Variants in CREB3L1 observed in about 807,000 individuals in gnomAD.
CREB3L1 encodes the protein cyclic AMP-responsive element-binding protein 3-like protein 1.
A neutral mutation model predicts 54.5 loss-of-function variants in CREB3L1; 33 were observed. The observed-to-expected ratio is 0.61, with a 90% CI of 0.46 to 0.81. The LOEUF is 0.81. Ranked by LOEUF, CREB3L1 falls within the 30% of genes least tolerant of loss-of-function variation. The pLI is 0.00. For missense variants in CREB3L1, 656 were observed against 673.3 expected, an observed-to-expected ratio of 0.97 and a Z score of 0.29; for synonymous variants, 284 against 286.4, an observed-to-expected ratio of 0.99 and a Z score of 0.08.
chr11:46,288,462 T>TAA (rs1404855899), intron 1 of CREB3L1, among the ~76,000 whole-genome samples: 2 of 152,222 alleles, frequency 1.3e-5, no homozygotes, highest in African/African-American at 2.4e-5. Context: ...TGTCATTGCT[T>TAA]AAAAGGAAGG....
At chr11:46,307,731 G>T (rs1222985347) in intron 2 of CREB3L1, 85 bp from the exon 3 acceptor site, 1 of 1,220,156 alleles carries the variant, frequency 8.2e-7, no homozygotes, top group South Asian at 1.7e-5. Flanking sequence ...GCTCTCTTCA[G>T]TTCAGCCTAG....
At chr11:46,300,470 T>C (rs1428495195) in intron 2 of CREB3L1, among the ~76,000 whole-genome samples, 1 of 152,224 alleles carries the variant, frequency 6.6e-6, no homozygotes, top group African/African-American at 2.4e-5. Flanking sequence ...ACCCCCAACC[T>C]GCTGAATCAC....
At chr11:46,312,021 G>T (rs2136354959) in intron 5 of CREB3L1, among the ~76,000 whole-genome samples, 1 of 152,318 alleles carries the variant, frequency 6.6e-6, no homozygotes, top group Admixed American at 6.5e-5. Context: ...GTAGGGAGGG[G>T]TCTGAGGGAG....
At chr11:46,297,541 G>C (rs756836005) in intron 1 of CREB3L1, among the ~76,000 whole-genome samples, 1 of 148,584 alleles carries the variant, frequency 6.7e-6, no homozygotes, top group African/African-American at 2.5e-5. Context: ...CTGCATTAGC[G>C]CCCTTGGCCT....
Position 46,300,178 on chromosome 11 carries a change from A to C in CREB3L1, c.331+15A>C. The stretch of plus-strand genomic sequence containing the variant: ...CACCACCCAAGGTAAGAGGTGGAAG[A>C]ACCTGGGGACAGCACAGGCCCAGGA... On this transcript the variant is annotated intron_variant, in intron 2 of 11. Transcript: ENST00000621158. 6.3e-7 allele frequency: 1 copy of C among 1,595,526 alleles called. No homozygotes were observed. The highest frequency in any genetic ancestry group is 8.6e-7 in the Non-Finnish European group (1 of 1,167,806).
intron 2 of CREB3L1, among the ~76,000 whole-genome samples, chr11:46,304,094 G>A (rs1939340415): frequency 6.6e-6 from 1 of 152,216 alleles, no homozygotes; most frequent in African/African-American, 2.4e-5. Flanking sequence ...TAAAGGACCT[G>A]GTCTTGAGTG....
rs1938900027 is a variant in CREB3L1 at position 46,277,972 on chromosome 11, GTCCGCCCCTCCCCCGGGGC to G, written c.-138_-120del. The G allele has an allele frequency of 2.4e-6, 1 of 418,810 alleles. No individual in the cohort carries two copies. Among genetic ancestry groups the G allele is most frequent in the East Asian group, 3.7e-5 (1 of 27,322 alleles). The allele number at this position is 418,810 out of a possible 1,614,324, so 25.9% of individuals were successfully genotyped here. ...CCCCACCCGGGGCCGCGCCGCCTCCGTCCGCCCCTCCCCCGGGGCTTCGCCCCGGACCTGCCCCCCGCCC... is the reference window on the plus strand; with the variant it reads ...CCCCACCCGGGGCCGCGCCGCCTCCGTTCGCCCCGGACCTGCCCCCCGCCC... On this transcript the variant is annotated 5_prime_UTR_variant, in exon 1 of 12. Transcript: ENST00000621158.
At chr11:46,317,631 A>G in intron 10 of CREB3L1, 144 bp downstream of exon 10, 2 of 1,068,846 alleles carry the variant, frequency 1.9e-6, no homozygotes, top group South Asian at 1.6e-5. Flanking sequence ...AGATGGGGAA[A>G]CCGAGGCCCA....
At chr11:46,299,450 A>G (rs1419427343) in intron 1 of CREB3L1, among the ~76,000 whole-genome samples, 1 of 152,164 alleles carries the variant, frequency 6.6e-6, no homozygotes, top group Non-Finnish European at 1.5e-5. Flanking sequence ...CCAGCAAAAG[A>G]TCATACAAAA....
At chr11:46,310,955 A>G in intron 4 of CREB3L1, 77 bp from the exon 5 acceptor site, 1 of 1,480,346 alleles carries the variant, frequency 6.8e-7, no homozygotes, top group Non-Finnish European at 9.0e-7. Flanking sequence ...GTGCAAGCTC[A>G]TGCTCAGCTG....
chr11:46,308,114 C>A, intron 3 of CREB3L1, 114 bp downstream of exon 3: 1 of 1,035,256 alleles, frequency 9.7e-7, no homozygotes, highest in Non-Finnish European at 1.4e-6. Flanking sequence ...AAGACATGAG[C>A]CTCAGGGCTG....
At chr11:46,299,620 G>C (rs1316316086) in intron 1 of CREB3L1, among the ~76,000 whole-genome samples, 1 of 152,216 alleles carries the variant, frequency 6.6e-6, no homozygotes, top group Non-Finnish European at 1.5e-5. Flanking sequence ...CCAGTGTCCT[G>C]TTGCCTGGTC....
Position 46,278,076 on chromosome 11 carries a change from A to G in CREB3L1, c.-36A>G. On this transcript the variant is annotated 5_prime_UTR_variant, in exon 1 of 12. Coordinates refer to ENST00000621158, the MANE Select transcript of CREB3L1 (RefSeq NM_052854.4). The surrounding 1 kb of genome is among the most constrained non-coding windows in gnomAD (Gnocchi z 4.2). Reference sequence around the variant, plus strand: ...GCGCGCCGCCGCCCTGGAGTGAGGGAAGCCCAGTGGAAGGGGGTCCCGGGA... The same window carrying G: ...GCGCGCCGCCGCCCTGGAGTGAGGGGAGCCCAGTGGAAGGGGGTCCCGGGA... The G allele has an allele frequency of 7.5e-7, 1 of 1,325,830 alleles. No homozygotes were observed. The highest frequency in any genetic ancestry group is 1.0e-6 in the Non-Finnish European group (1 of 967,226). 82.1% of individuals were successfully genotyped at this position (1,325,830 alleles called of 1,614,324 possible). A position where few individuals can be genotyped will look rare whatever the true frequency, so the allele number is the denominator to read the frequency against.
At chr11:46,286,131 C>A (rs116370170) in intron 1 of CREB3L1, among the ~76,000 whole-genome samples, 14 of 152,294 alleles carry the variant, frequency 9.2e-5, no homozygotes, top group African/African-American at 3.1e-4. Flanking sequence ...TTATTTGCGG[C>A]TATTCCCTAG....
intron 1 of CREB3L1, among the ~76,000 whole-genome samples, chr11:46,294,310 C>G (rs757910060): frequency 6.6e-6 from 1 of 152,112 alleles, no homozygotes; most frequent in Non-Finnish European, 1.5e-5. Flanking sequence ...CATACTCTGC[C>G]AGGAAGACTC....
chr11:46,305,618 GTATATATATGTATATATATACA>G (rs1939374260), intron 2 of CREB3L1, among the ~76,000 whole-genome samples: 1 of 139,286 alleles, frequency 7.2e-6, no homozygotes. Context: ...ATGTGTGTGT[GTATATATATGTATATATATACA>G]TATATATGTG....
At chr11:46,299,683 G>A (rs920190909) in intron 1 of CREB3L1, among the ~76,000 whole-genome samples, 7 of 152,194 alleles carry the variant, frequency 4.6e-5, no homozygotes, top group African/African-American at 1.7e-4. Flanking sequence ...ACAATGGTGA[G>A]CGTGGAGCTG....
At chr11:46,309,783 A>G (rs1460794061) in intron 3 of CREB3L1, among the ~76,000 whole-genome samples, 1 of 152,244 alleles carries the variant, frequency 6.6e-6, no homozygotes, top group Non-Finnish European at 1.5e-5. Context: ...CTGCTTGGCC[A>G]GCAATCCTTT....
chr11:46,317,538 C>G, intron 10 of CREB3L1, 51 bp downstream of exon 10: 1 of 1,596,012 alleles, frequency 6.3e-7, no homozygotes, highest in South Asian at 1.1e-5. Flanking sequence ...TGCCCTGCCC[C>G]AGCCCCAGTG....
Sources: gnomAD v4.1 joint callset for allele counts (sites outside exome capture counted in the v4.1 genomes callset) on GRCh38, gnomAD v4.1.1 for gene constraint, Gnocchi (gnomAD v3.1) non-coding constraint, MANE v1.5 for transcripts, NCBI Gene and HGNC (gene_info 2026-07-23, HGNC 2026-07-21) for gene names.